NELL1: variants seen among roughly 807,000 people sequenced by gnomAD.
NELL1 encodes protein kinase C-binding protein NELL1.
A neutral mutation model predicts 107.4 loss-of-function variants in NELL1; 76 were observed. The ratio of observed to expected loss-of-function variants is 0.71; its 90% CI spans 0.59 to 0.86. NELL1 has a LOEUF of 0.86. Ranked by LOEUF, NELL1 falls within the 40% of genes least tolerant of loss-of-function variation. The pLI is 0.00. For synonymous variants in NELL1, 353 were observed against 341.2 expected (o/e 1.03, Z -0.38); for missense variants, 1,024 against 1,005.5 (o/e 1.02, Z -0.25).
At chr11:20,951,429 A>G (rs907970970) in intron 11 of NELL1, among the ~76,000 whole-genome samples, 2 of 152,112 alleles carry the variant, frequency 1.3e-5, no homozygotes, top group African/African-American at 4.8e-5. Flanking sequence ...CTTTGTTTGA[A>G]TTAAACCTAA....
intron 2 of NELL1, among the ~76,000 whole-genome samples, chr11:20,748,061 C>T (rs568402982): frequency 2.6e-5 from 4 of 152,260 alleles, no homozygotes; most frequent in Admixed American, 6.5e-5. Flanking sequence ...AAGAGTTAGC[C>T]CTCCAACATG....
chr11:20,777,651 T>C (rs1297661802), intron 2 of NELL1, among the ~76,000 whole-genome samples: 4 of 152,214 alleles, frequency 2.6e-5, no homozygotes, highest in African/African-American at 9.6e-5. Context: ...TTAAGAAATG[T>C]TGCTTTACCT....
At chr11:21,404,421 G>T (rs1057260187) in intron 15 of NELL1, among the ~76,000 whole-genome samples, 2 of 151,838 alleles carry the variant, frequency 1.3e-5, no homozygotes, top group Non-Finnish European at 2.9e-5. Context: ...CCATAAGAAA[G>T]CAATTAAAGT....
chr11:20,948,385 G>C (rs1373905531), intron 11 of NELL1, among the ~76,000 whole-genome samples: 1 of 151,836 alleles, frequency 6.6e-6, no homozygotes, highest in Admixed American at 6.6e-5. Flanking sequence ...TATAATAGTT[G>C]TGCATATTTT....
chr11:20,850,375 G>C (rs1332021716), intron 4 of NELL1, among the ~76,000 whole-genome samples: 1 of 152,224 alleles, frequency 6.6e-6, no homozygotes, highest in Non-Finnish European at 1.5e-5. Flanking sequence ...GCTGATTAGA[G>C]TATGAAAGGA....
intron 12 of NELL1, among the ~76,000 whole-genome samples, chr11:20,992,469 T>C (rs969764685): frequency 2.6e-5 from 4 of 152,158 alleles, no homozygotes; most frequent in Non-Finnish European, 5.9e-5. Flanking sequence ...GCTCGTTTTG[T>C]AGATTAGGAA....
chr11:20,926,625 C>A (rs1419799563), intron 7 of NELL1, among the ~76,000 whole-genome samples: 1 of 152,142 alleles, frequency 6.6e-6, no homozygotes, highest in East Asian at 1.9e-4. Context: ...CCCTTTCCAG[C>A]AGGAGAGTCT....
At chr11:21,092,762 G>A (rs2138599) in intron 12 of NELL1, among the ~76,000 whole-genome samples, 35,449 of 152,120 alleles carry the variant, frequency 0.23, 4,492 homozygotes, top group Middle Eastern at 0.34. Context: ...CTACATCAAA[G>A]TCTACTTATC....
At chr11:20,870,876 T>C (rs979815587) in intron 4 of NELL1, among the ~76,000 whole-genome samples, 25 of 152,224 alleles carry the variant, frequency 1.6e-4, no homozygotes, top group African/African-American at 5.8e-4. Context: ...AGATGATGAT[T>C]GCTTTTTAAA....
intron 15 of NELL1, among the ~76,000 whole-genome samples, chr11:21,395,709 T>A (rs1240953857): frequency 1.3e-5 from 2 of 151,212 alleles, no homozygotes; most frequent in Non-Finnish European, 1.5e-5. Context: ...TGCCACAGAG[T>A]GTAGAACCTT....
chr11:21,517,957 G>C (rs776915869), intron 15 of NELL1, among the ~76,000 whole-genome samples: 28 of 151,846 alleles, frequency 1.8e-4, no homozygotes, highest in Non-Finnish European at 3.5e-4. Context: ...TCTGACTCTG[G>C]ATCCATGGTG....
At chr11:20,948,289 G>A (rs1851004822) in intron 11 of NELL1, among the ~76,000 whole-genome samples, 1 of 151,976 alleles carries the variant, frequency 6.6e-6, no homozygotes, top group Non-Finnish European at 1.5e-5. Flanking sequence ...TTGGCCTCAA[G>A]CAATTCTCCT....
rs199692799 is a variant in NELL1, at chr11:21,349,606, C to CT, written c.1550-21237dup. 2.3e-3 allele frequency among the ~76,000 whole-genome samples: 343 copies of CT among 147,424 alleles called. 9 individuals carry two copies. The South Asian group carries it at 0.058, about 25-fold the overall frequency. ...TGTGTTTTCCTAGTAAAATAGTGTC[C>CT]TTTTTTTTTTAAAGCAGTGAATCAG... On this transcript the variant is annotated intron_variant, in intron 14 of 19. Transcript: ENST00000357134.
chr11:21,425,386 A>T (rs1852795574), intron 15 of NELL1, among the ~76,000 whole-genome samples: 2 of 152,226 alleles, frequency 1.3e-5, no homozygotes, highest in African/African-American at 2.4e-5. Context: ...ACCTGTGACT[A>T]TATTACCTTC....
intron 2 of NELL1, among the ~76,000 whole-genome samples, chr11:20,679,270 T>G (rs934801380): frequency 6.6e-6 from 1 of 152,194 alleles, no homozygotes; most frequent in Non-Finnish European, 1.5e-5. Flanking sequence ...GTGGGGCCTT[T>G]GTAGAGGTTT....
Position 21,512,596 on chromosome 11 carries a change from G to T in NELL1, c.1646-21778G>T, listed in dbSNP as rs184518421. Among the ~76,000 whole-genome samples the T allele has an allele frequency of 3.1e-3, 477 of 152,164 alleles. 1 individual carries two copies. Among genetic ancestry groups the T allele is most frequent in the Admixed American group, 5.6e-3 (85 of 15,272 alleles). ...AACTTTGTGCCCCTAGTAAGAAAGGGGGAAATGAAAACCAACGTGTATATT... is the reference window on the plus strand; with the variant it reads ...AACTTTGTGCCCCTAGTAAGAAAGGTGGAAATGAAAACCAACGTGTATATT... On this transcript the variant is annotated intron_variant, in intron 15 of 19. Transcript: ENST00000357134.
chr11:20,899,497 C>A (rs183238279), intron 5 of NELL1, among the ~76,000 whole-genome samples: 1 of 152,150 alleles, frequency 6.6e-6, no homozygotes, highest in East Asian at 1.9e-4. Flanking sequence ...CAGTATTTAT[C>A]TTTAAATGCT....
At chr11:20,895,853 C>A (rs1034007391) in intron 5 of NELL1, among the ~76,000 whole-genome samples, 9 of 152,056 alleles carry the variant, frequency 5.9e-5, no homozygotes, top group African/African-American at 1.7e-4. Context: ...AAGATAATGA[C>A]CTCCAGTTCC....
chr11:20,671,838 G>A (rs1239209616), intron 1 of NELL1, among the ~76,000 whole-genome samples: 1 of 152,076 alleles, frequency 6.6e-6, no homozygotes, highest in Non-Finnish European at 1.5e-5. Context: ...GAGACAGTTT[G>A]AATTAATTCT....
Sources: gnomAD v4.1 joint callset for allele counts (sites outside exome capture counted in the v4.1 genomes callset) on GRCh38, gnomAD v4.1.1 for gene constraint, MANE v1.5 for transcripts, NCBI Gene and HGNC (gene_info 2026-07-23, HGNC 2026-07-21) for gene names.